Variants in RANBP2 observed in about 807,000 individuals in gnomAD.
The protein encoded by RANBP2 is E3 SUMO-protein ligase RanBP2.
RANBP2 carries 57 observed loss-of-function variants against 303.6 expected under a neutral mutation model. That is an observed-to-expected ratio of 0.19 (90% CI 0.15 to 0.23). The LOEUF is 0.23. RANBP2 is among the 10% of genes least tolerant of loss of function. The pLI, the probability that RANBP2 is intolerant of heterozygous loss-of-function variation, is 1.00. For missense variants in RANBP2, 3,138 were observed against 3,780.8 expected (o/e 0.83, Z 4.46); for synonymous variants, 1,167 against 1,301.5 (o/e 0.90, Z 2.23).
the RANBP2 span, among the ~76,000 whole-genome samples, chr2:109,679,219 C>G: frequency 2.6e-5 from 4 of 152,178 alleles, no homozygotes; most frequent in African/African-American, 9.7e-5. Flanking sequence ...ACCCTGTGTG[C>G]AGAGAACAAC....
chr2:109,263,580 A>C, the RANBP2 span, among the ~76,000 whole-genome samples: 1 of 152,152 alleles, frequency 6.6e-6, no homozygotes, highest in Non-Finnish European at 1.5e-5. Flanking sequence ...TGCTTTTAGG[A>C]GGTGGATTTT....
At chr2:109,492,619 C>T in the RANBP2 span, among the ~76,000 whole-genome samples, 1 of 152,176 alleles carries the variant, frequency 6.6e-6, no homozygotes, top group Admixed American at 6.5e-5. Context: ...CAGTTATCCT[C>T]GTTTTACAGA....
the RANBP2 span, among the ~76,000 whole-genome samples, chr2:109,286,176 A>G: frequency 6.6e-6 from 1 of 152,116 alleles, no homozygotes; most frequent in Admixed American, 6.5e-5. Flanking sequence ...CAAGGATTTC[A>G]TTTCACTTTC....
chr2:109,466,563 A>C, the RANBP2 span, among the ~76,000 whole-genome samples: 1 of 152,182 alleles, frequency 6.6e-6, no homozygotes. Context: ...TCTGTTTCAG[A>C]GCACAAGTTG....
the RANBP2 span, among the ~76,000 whole-genome samples, chr2:109,553,443 CT>C: frequency 6.6e-6 from 1 of 151,398 alleles, no homozygotes; most frequent in Non-Finnish European, 1.5e-5. Context: ...ACATGGGAGG[CT>C]GAGGTGGGAG....
the RANBP2 span, among the ~76,000 whole-genome samples, chr2:109,430,018 C>T: frequency 6.6e-6 from 1 of 152,220 alleles, no homozygotes; most frequent in Non-Finnish European, 1.5e-5. Flanking sequence ...CTGCACCTTG[C>T]CTACCAGCCC....
chr2:109,364,627 T>G, the RANBP2 span, among the ~76,000 whole-genome samples: 1 of 152,216 alleles, frequency 6.6e-6, no homozygotes, highest in Admixed American at 6.5e-5. Context: ...GCCACAAATG[T>G]TCTATAGTCC....
At chr2:109,224,352 A>G in the RANBP2 span, among the ~76,000 whole-genome samples, 3 of 152,226 alleles carry the variant, frequency 2.0e-5, no homozygotes, top group Non-Finnish European at 4.4e-5. Context: ...TCAGATACGC[A>G]TGTGGGATTT....
At chr2:108,944,394 G>A in the RANBP2 span, among the ~76,000 whole-genome samples, 1 of 152,212 alleles carries the variant, frequency 6.6e-6, no homozygotes, top group African/African-American at 2.4e-5. Flanking sequence ...GATTACAGGC[G>A]TGAACCACCG....
At chr2:109,400,436 A>G in the RANBP2 span, among the ~76,000 whole-genome samples, 2 of 152,194 alleles carry the variant, frequency 1.3e-5, no homozygotes, top group South Asian at 4.2e-4. Flanking sequence ...ATGTGCACTT[A>G]TATGCACCCC....
At chr2:109,301,350 GTGTT>G in the RANBP2 span, among the ~76,000 whole-genome samples, 794 of 76,440 alleles carry the variant, frequency 0.01, 7 homozygotes, top group East Asian at 0.12. Context: ...GTGTGTGTGT[GTGTT>G]TGTGTATGTT....
chr2:109,181,386 C>T, the RANBP2 span, among the ~76,000 whole-genome samples: 1 of 152,264 alleles, frequency 6.6e-6, no homozygotes, highest in Middle Eastern at 3.4e-3. Flanking sequence ...GCAGTCTTGC[C>T]ACTCACGTCT....
chr2:109,334,032 G>A, the RANBP2 span, among the ~76,000 whole-genome samples: 531 of 152,220 alleles, frequency 3.5e-3, 5 homozygotes, highest in African/African-American at 0.012. Context: ...AAGTCCAGTC[G>A]CTTCCTCAAA....
At chr2:109,109,512 C>A in the RANBP2 span, among the ~76,000 whole-genome samples, 1 of 152,218 alleles carries the variant, frequency 6.6e-6, no homozygotes, top group Non-Finnish European at 1.5e-5. Context: ...CATGCAGACA[C>A]AGGAAATCCG....
At chr2:109,667,179 A>C in the RANBP2 span, 1 of 1,338,534 alleles carries the variant, frequency 7.5e-7, no homozygotes, top group South Asian at 1.2e-5. Flanking sequence ...GCACATTCCA[A>C]AAGCCTTGCA....
At chr2:109,519,324 A>G in the RANBP2 span, among the ~76,000 whole-genome samples, 3 of 152,120 alleles carry the variant, frequency 2.0e-5, no homozygotes, top group Non-Finnish European at 4.4e-5. Flanking sequence ...CCATGATCCA[A>G]TCACCTCCCA....
the RANBP2 span, among the ~76,000 whole-genome samples, chr2:109,280,968 G>A: frequency 6.6e-6 from 1 of 152,204 alleles, no homozygotes. Context: ...AGGTGGCAGT[G>A]GTGATGCAGA....
the RANBP2 span, among the ~76,000 whole-genome samples, chr2:108,819,257 T>C: frequency 4.1e-3 from 624 of 152,304 alleles, 7 homozygotes; most frequent in African/African-American, 0.015. Flanking sequence ...GAAAAGTTTG[T>C]GGCATTTTGC....
chr2:109,619,329 C>T, the RANBP2 span, among the ~76,000 whole-genome samples: 10 of 152,246 alleles, frequency 6.6e-5, 1 homozygote, highest in South Asian at 2.1e-3. Flanking sequence ...ATACCTCCAC[C>T]ACTACCTAAA....
Sources: allele counts gnomAD v4.1 joint callset (sites outside exome capture counted in the v4.1 genomes callset), GRCh38; gene constraint gnomAD v4.1.1; transcripts MANE v1.5; gene names NCBI Gene and HGNC (gene_info 2026-07-23, HGNC 2026-07-21).